CTNNA3: variants seen among roughly 807,000 people sequenced by gnomAD.
The protein encoded by CTNNA3 is catenin alpha-3.
CTNNA3 carries 76 observed loss-of-function variants against 95.7 expected under a neutral mutation model. That is an observed-to-expected ratio of 0.79 (90% CI 0.66 to 0.96). The LOEUF (loss-of-function observed/expected upper bound fraction) is 0.96. Ranked by LOEUF, CTNNA3 falls within the 40% of genes least tolerant of loss-of-function variation. The pLI is 0.00. For synonymous variants in CTNNA3, 431 were observed against 374.4 expected (o/e 1.15, Z -1.74); for missense variants, 1,191 against 1,089.8 (o/e 1.09, Z -1.31).
intron 9 of CTNNA3, among the ~76,000 whole-genome samples, chr10:66,671,893 A>C (rs1846673976): frequency 6.6e-6 from 1 of 152,222 alleles, no homozygotes; most frequent in Non-Finnish European, 1.5e-5. Context: ...ACATACAAGT[A>C]AATACATGTA....
intron 11 of CTNNA3, among the ~76,000 whole-genome samples, chr10:66,380,046 C>T (rs1311319489): frequency 1.3e-5 from 2 of 152,216 alleles, no homozygotes; most frequent in Non-Finnish European, 2.9e-5. Context: ...CTGGCTTTAT[C>T]ACATGAATCC....
At chr10:66,259,348 G>C (rs1447129844) in intron 13 of CTNNA3, among the ~76,000 whole-genome samples, 1 of 152,062 alleles carries the variant, frequency 6.6e-6, no homozygotes, top group Admixed American at 6.6e-5. Context: ...CCTCTTCACT[G>C]TGCTATTTTC....
chr10:66,840,771 C>G (rs1843040993), intron 7 of CTNNA3, among the ~76,000 whole-genome samples: 2 of 150,948 alleles, frequency 1.3e-5, no homozygotes, highest in African/African-American at 4.9e-5. Flanking sequence ...CATATTTGTT[C>G]TCTCTCTCTC....
intron 9 of CTNNA3, among the ~76,000 whole-genome samples, chr10:66,690,344 C>G (rs1847473512): frequency 6.6e-6 from 1 of 151,502 alleles, no homozygotes; most frequent in Non-Finnish European, 1.5e-5. Context: ...TATTATTATA[C>G]TTTAAGTTTT....
intron 5 of CTNNA3, among the ~76,000 whole-genome samples, chr10:67,306,995 A>G (rs1231771351): frequency 6.6e-6 from 1 of 152,190 alleles, no homozygotes; most frequent in African/African-American, 2.4e-5. Flanking sequence ...GATAAAAAGG[A>G]AGGAAGATAC....
At chr10:66,832,040 C>T (rs1368510397) in intron 7 of CTNNA3, among the ~76,000 whole-genome samples, 5 of 152,324 alleles carry the variant, frequency 3.3e-5, no homozygotes, top group East Asian at 3.9e-4. Flanking sequence ...AAAATACCTA[C>T]GTACACAGCC....
chr10:66,479,005 AC>A (rs1378909172), intron 11 of CTNNA3, among the ~76,000 whole-genome samples: 9 of 151,372 alleles, frequency 5.9e-5, no homozygotes, highest in African/African-American at 2.2e-4. Flanking sequence ...AAAGATATTC[AC>A]CTTTTTTATT....
intron 11 of CTNNA3, among the ~76,000 whole-genome samples, chr10:66,417,811 A>C (rs1169865817): frequency 6.6e-6 from 1 of 151,944 alleles, no homozygotes; most frequent in Non-Finnish European, 1.5e-5. Context: ...AAAATTTTGA[A>C]ACTAATGAAA....
chr10:66,184,939 T>C (rs1371430961), intron 13 of CTNNA3, among the ~76,000 whole-genome samples: 1 of 152,190 alleles, frequency 6.6e-6, no homozygotes, highest in Non-Finnish European at 1.5e-5. Flanking sequence ...AGAACAACAC[T>C]GTTATGCCAT....
At chr10:66,531,415 A>G (rs1470456474) in intron 10 of CTNNA3, among the ~76,000 whole-genome samples, 1 of 152,068 alleles carries the variant, frequency 6.6e-6, no homozygotes, top group East Asian at 1.9e-4. Flanking sequence ...TGTGAGATGG[A>G]GGCTTGCTCT....
At chr10:66,289,259 A>C (rs1414390508) in intron 12 of CTNNA3, among the ~76,000 whole-genome samples, 1 of 147,380 alleles carries the variant, frequency 6.8e-6, no homozygotes, top group Non-Finnish European at 1.5e-5. Flanking sequence ...TGGAAGCATA[A>C]GAGCTTCCTA....
intron 15 of CTNNA3, among the ~76,000 whole-genome samples, chr10:66,056,706 T>C (rs1012860942): frequency 5.9e-5 from 9 of 152,190 alleles, no homozygotes. Flanking sequence ...TCAATACTTG[T>C]TATTTGTCTA....
chr10:67,083,763 C>A (rs976009976), intron 7 of CTNNA3, among the ~76,000 whole-genome samples: 1 of 152,068 alleles, frequency 6.6e-6, no homozygotes, highest in Non-Finnish European at 1.5e-5. Context: ...CCAAGGCATT[C>A]AAAATACATT....
intron 13 of CTNNA3, among the ~76,000 whole-genome samples, chr10:66,196,166 A>G (rs1453439810): frequency 6.6e-6 from 1 of 152,216 alleles, no homozygotes; most frequent in African/African-American, 2.4e-5. Context: ...ATGACAAAAA[A>G]TAGTGAAAGA....
intron 7 of CTNNA3, among the ~76,000 whole-genome samples, chr10:66,839,713 A>G (rs965297258): frequency 2.6e-5 from 4 of 152,210 alleles, no homozygotes; most frequent in African/African-American, 9.6e-5. Context: ...AGAAAAGAAC[A>G]TTCGGAAAAA....
At chr10:67,184,144 T>C (rs1227384264) in intron 6 of CTNNA3, among the ~76,000 whole-genome samples, 1 of 152,228 alleles carries the variant, frequency 6.6e-6, no homozygotes, top group Non-Finnish European at 1.5e-5. Context: ...TTTGGCCAAC[T>C]TTCTTAAAAC....
intron 5 of CTNNA3, among the ~76,000 whole-genome samples, chr10:67,258,236 C>A (rs1866442392): frequency 6.6e-6 from 1 of 152,132 alleles, no homozygotes; most frequent in Non-Finnish European, 1.5e-5. Context: ...CTCCGCCTCC[C>A]AGGTTCCAGC....
In CTNNA3 at chr10:66,860,753, G is replaced by T. The variant is rs967974652; in HGVS notation, c.1048-85229C>A. On this transcript the variant is annotated intron_variant, in intron 7 of 17. Transcript: ENST00000433211. ...TTATTTGTTTACACTGAGAGTACAT[G>T]AAATTTTTATAGGCACAATCTAGGA... 7.2e-5 allele frequency among the ~76,000 whole-genome samples: 11 copies of T among 152,262 alleles called. No homozygotes were observed. In the South Asian group the frequency reaches 2.3e-3, roughly 32 times the overall value.
At chr10:67,640,147 A>T (rs1450137834) in intron 2 of CTNNA3, among the ~76,000 whole-genome samples, 1 of 152,172 alleles carries the variant, frequency 6.6e-6, no homozygotes, top group Non-Finnish European at 1.5e-5. Context: ...ATAAGCAACT[A>T]CAGCAAAGTC....
Sources: gnomAD v4.1 joint callset for allele counts (sites outside exome capture counted in the v4.1 genomes callset) on GRCh38, gnomAD v4.1.1 for gene constraint, MANE v1.5 for transcripts, NCBI Gene and HGNC (gene_info 2026-07-23, HGNC 2026-07-21) for gene names.